TRIP4: variants seen among roughly 807,000 people sequenced by gnomAD.
The protein encoded by TRIP4 is activating signal cointegrator 1.
TRIP4 carries 54 observed loss-of-function variants against 81.8 expected under a neutral mutation model. That is an observed-to-expected ratio of 0.66 (90% CI 0.53 to 0.83). The LOEUF is 0.83. Ranked by LOEUF, TRIP4 falls within the 40% of genes least tolerant of loss-of-function variation. TRIP4 has a pLI of 0.00. For missense variants in TRIP4, 662 were observed against 683.6 expected, an observed-to-expected ratio of 0.97 and a Z score of 0.35; for synonymous variants, 270 against 242.8, an observed-to-expected ratio of 1.11 and a Z score of -1.04.
chr15:64,416,859 A>G (rs777606974), intron 8 of TRIP4, among the ~76,000 whole-genome samples: 3 of 152,244 alleles, frequency 2.0e-5, no homozygotes, highest in Non-Finnish European at 4.4e-5. Flanking sequence ...AATTGACAAG[A>G]ATCATAAAAT....
chr15:64,450,403 A>AG (rs1892730405), intron 12 of TRIP4, among the ~76,000 whole-genome samples: 1 of 150,352 alleles, frequency 6.7e-6, no homozygotes, highest in East Asian at 2.0e-4. Flanking sequence ...GAAAAAAAAA[A>AG]AAAAAAAAAA....
intron 12 of TRIP4, among the ~76,000 whole-genome samples, chr15:64,446,678 A>G (rs1171283534): frequency 1.3e-5 from 2 of 151,760 alleles, no homozygotes; most frequent in Non-Finnish European, 2.9e-5. Flanking sequence ...CTGGGATTAC[A>G]GGCGTGAGCC....
At chr15:64,438,871 T>C (rs1475261775) in intron 11 of TRIP4, among the ~76,000 whole-genome samples, 2 of 152,248 alleles carry the variant, frequency 1.3e-5, no homozygotes, top group African/African-American at 4.8e-5. Context: ...TTCAACCAGA[T>C]TGTCTTCCAC....
chr15:64,446,283 G>A (rs576100905), intron 12 of TRIP4, among the ~76,000 whole-genome samples: 21 of 151,852 alleles, frequency 1.4e-4, no homozygotes, highest in Admixed American at 4.6e-4. Context: ...TCAAAAAAAA[G>A]ACTTAACATT....
intron 9 of TRIP4, among the ~76,000 whole-genome samples, chr15:64,421,518 A>G (rs1379303636): frequency 6.6e-6 from 1 of 150,978 alleles, no homozygotes; most frequent in African/African-American, 2.4e-5. Flanking sequence ...GTATTTTTAG[A>G]AGAGATGAGG....
intron 11 of TRIP4, among the ~76,000 whole-genome samples, chr15:64,435,431 C>T (rs1374985553): frequency 6.7e-6 from 1 of 149,706 alleles, no homozygotes; most frequent in African/African-American, 2.5e-5. Context: ...AAGGGTGAGG[C>T]AGGAGAATCC....
chr15:64,443,504 G>A (rs1285430432), intron 11 of TRIP4, among the ~76,000 whole-genome samples: 2 of 152,186 alleles, frequency 1.3e-5, no homozygotes, highest in East Asian at 1.9e-4. Context: ...CTTGATGGCA[G>A]CCTCTGGTTT....
chr15:64,388,175 T>C (rs1900006797), intron 1 of TRIP4: 1 of 858,868 alleles, frequency 1.2e-6, no homozygotes, highest in Non-Finnish European at 1.6e-6. Flanking sequence ...GTCGGGCTTT[T>C]TTCCTGGGAA....
At chr15:64,425,451 A>C (rs550507734) in intron 10 of TRIP4, 89 bp from the exon 11 acceptor site, 1 of 1,101,676 alleles carries the variant, frequency 9.1e-7, no homozygotes, top group Non-Finnish European at 1.3e-6. Context: ...AAAAGTTATT[A>C]ATGTTTGTTC....
chr15:64,429,256 G>A (rs1278739830), intron 11 of TRIP4, among the ~76,000 whole-genome samples: 1 of 152,092 alleles, frequency 6.6e-6, no homozygotes. Flanking sequence ...GGCAGAGGTT[G>A]CAGTGAGCCG....
intron 5 of TRIP4, among the ~76,000 whole-genome samples, chr15:64,401,899 G>A (rs1891518190): frequency 6.6e-6 from 1 of 152,126 alleles, no homozygotes; most frequent in Admixed American, 6.6e-5. Context: ...ACAATGTCAT[G>A]AAAGACAAGA....
At position 64,393,951 on chromosome 15, in the gene TRIP4, T is replaced by A; in HGVS notation, c.107T>A (p.Val36Asp). The change falls in exon 2 of 13, where the codon GTT (valine) becomes GAT (aspartate). Residue 36 changes from valine to aspartate, a missense_variant. Val to Asp is a radical substitution (Grantham distance 152). Transcript: ENST00000261884. The stretch of plus-strand genomic sequence containing the variant: ...TTATATCTTTGCCTCCTGAGGTACG[T>A]TTTGTCAATTGAGAGTGCTGAAGAG... ...LDVSEEIIQYVLSIESAEEIR... is the reference protein window; with the variant it reads ...LDVSEEIIQYDLSIESAEEIR... 2 of 1,583,452 alleles carry A rather than the reference T, an allele frequency of 1.3e-6. No homozygotes were observed. The highest frequency in any genetic ancestry group is 8.6e-7 in the Non-Finnish European group (1 of 1,167,734).
chr15:64,413,762 A>G (rs1891824340), intron 7 of TRIP4, among the ~76,000 whole-genome samples: 2 of 151,042 alleles, frequency 1.3e-5, no homozygotes, highest in South Asian at 2.1e-4. Context: ...TAATTTTTGT[A>G]TTTTTAGTAG....
intron 5 of TRIP4, among the ~76,000 whole-genome samples, chr15:64,402,172 T>C (rs1243360918): frequency 6.6e-6 from 1 of 152,102 alleles, no homozygotes; most frequent in Non-Finnish European, 1.5e-5. Context: ...ATTTTCTAAT[T>C]ATTTTGCATG....
At chr15:64,454,969 T>TA in intron 12 of TRIP4, 28 bp from the exon 13 acceptor site, 1 of 1,609,280 alleles carries the variant, frequency 6.2e-7, no homozygotes, top group Non-Finnish European at 8.5e-7. Flanking sequence ...CAAAAATAAA[T>TA]AATGAGACTT....
In TRIP4 at chr15:64,397,789, T is replaced by G. The variant is rs931989856; in HGVS notation, c.589T>G (p.Ser197Ala). The G allele has an allele frequency of 1.9e-6, 3 of 1,614,266 alleles. No homozygotes were observed. The highest frequency in any genetic ancestry group is 2.5e-6 in the Non-Finnish European group (3 of 1,180,046). Residue 197 changes from serine (S) to alanine (A), a missense_variant, in exon 4 of 13, where the codon TCA becomes GCA. Ser to Ala is a moderately conservative substitution (Grantham distance 99, BLOSUM62 1). Transcript: ENST00000261884. ...CGRIVCEQEG[S>A]GPCLFCGTLV... is the part of the protein sequence containing the mutation. ...GCGCATTGTCTGTGAACAAGAAGGC[T>G]CAGGCCCTTGCTTATTCTGTGGCAC...
chr15:64,431,847 A>ATATATTTTTTTTTTTTTTT, intron 11 of TRIP4, among the ~76,000 whole-genome samples: 12 of 119,548 alleles, frequency 1.0e-4, no homozygotes, highest in African/African-American at 3.2e-4. Flanking sequence ...ATATATATAT[A>ATATATTTTTTTTTTTTTTT]TTTTTTTTAT....
intron 1 of TRIP4, among the ~76,000 whole-genome samples, chr15:64,392,540 C>T (rs1900166133): frequency 6.6e-6 from 1 of 151,974 alleles, no homozygotes; most frequent in African/African-American, 2.4e-5. Context: ...ACCATGTTGG[C>T]CAAGCTGGTC....
chr15:64,403,056 G>A (rs1566973972), intron 5 of TRIP4, among the ~76,000 whole-genome samples: 1 of 151,568 alleles, frequency 6.6e-6, no homozygotes, highest in Non-Finnish European at 1.5e-5. Flanking sequence ...TATAGACGGT[G>A]TTTCACTGTG....
Sources: allele counts gnomAD v4.1 joint callset (sites outside exome capture counted in the v4.1 genomes callset), GRCh38; gene constraint gnomAD v4.1.1; transcripts MANE v1.5; gene names NCBI Gene and HGNC (gene_info 2026-07-23, HGNC 2026-07-21).